EPS8L1: variants seen among roughly 807,000 people sequenced by gnomAD.
EPS8L1 encodes epidermal growth factor receptor kinase substrate 8-like protein 1.
Under a neutral mutation model 91.7 loss-of-function variants are expected in EPS8L1, and 101 were observed. The ratio of observed to expected loss-of-function variants is 1.10; its 90% CI spans 0.94 to 1.30. The LOEUF (loss-of-function observed/expected upper bound fraction) is 1.30, where lower values mean the gene tolerates loss of function less well. EPS8L1 is among the 50% of genes most tolerant of loss of function. The pLI, the probability that EPS8L1 is intolerant of heterozygous loss-of-function variation, is 0.00. For synonymous variants in EPS8L1, 506 were observed against 445.3 expected (o/e 1.14, Z -1.72); for missense variants, 1,114 against 1,017.0 (o/e 1.10, Z -1.30).
Position 55,081,165 on chromosome 19 carries a change from C to T in EPS8L1, c.513-66C>T, listed in dbSNP as rs544570414. 3 of 1,446,358 alleles carry T rather than the reference C, an allele frequency of 2.1e-6. No homozygotes were observed. Among genetic ancestry groups the T allele is most frequent in the South Asian group, 1.4e-5 (1 of 69,132 alleles). The allele number at this position is 1,446,358 out of a possible 1,614,324, so 89.6% of individuals were successfully genotyped here. ...TGAGCCTGTGTGTCTCGTTCTGCGC[C>T]CTGGATTTCCCCCTCCCTGGACCCC... On this transcript the variant is annotated intron_variant, in intron 7 of 19. Coordinates refer to ENST00000201647, the MANE Select transcript of EPS8L1 (RefSeq NM_133180.3). The surrounding 1 kb of genome is among the most constrained non-coding windows in gnomAD (Gnocchi z 4.9).
In EPS8L1 at chr19:55,086,633, G is replaced by A. The variant is rs1453359289; in HGVS notation, c.1778-81G>A. On this transcript the variant is annotated intron_variant, in intron 17 of 19. Transcript: ENST00000201647. ...CCCGTCCCATTCTGGGGACGCTGGA[G>A]CGCCCCCCCGCCCCGCCCTCTGGCC... is the stretch of plus-strand genomic sequence containing the variant. The A allele has an allele frequency of 4.9e-6, 7 of 1,428,422 alleles. No homozygotes were observed. The African/African-American group carries it at 9.5e-5, about 19-fold the overall frequency. The allele number at this position is 1,428,422 out of a possible 1,614,324, so 88.5% of individuals were successfully genotyped here.
rs991484100 is a variant in EPS8L1, at chr19:55,087,284, C to G, written c.1953-19C>G. 1 of 1,586,798 alleles carries G rather than the reference C, an allele frequency of 6.3e-7. No individual in the cohort carries two copies. Among genetic ancestry groups the G allele is most frequent in the Non-Finnish European group, 8.6e-7 (1 of 1,167,058 alleles). ...CATCCGCCGACCGGCCTGACCGCGCCCGGGCTGCCCTCGCTCAGGACCGTG... is the reference window on the plus strand; with the variant it reads ...CATCCGCCGACCGGCCTGACCGCGCGCGGGCTGCCCTCGCTCAGGACCGTG... On this transcript the variant is annotated intron_variant, in intron 18 of 19. Coordinates refer to ENST00000201647, the MANE Select transcript of EPS8L1 (RefSeq NM_133180.3).
intron 4 of EPS8L1, 128 bp from the exon 5 acceptor site, chr19:55,079,562 G>C: frequency 5.4e-6 from 6 of 1,109,080 alleles, no homozygotes; most frequent in Non-Finnish European, 6.4e-6. Flanking sequence ...TTGTGGAACA[G>C]GTGATCAAGG....
At position 55,086,046 on chromosome 19, in the gene EPS8L1, C is replaced by T. The variant is rs937667885; in HGVS notation, c.1519-15C>T. 3 of 1,595,524 alleles carry T rather than the reference C, an allele frequency of 1.9e-6. No individual in the cohort carries two copies. In the African/African-American group the frequency reaches 4.0e-5, roughly 21 times the overall value. ...GCAGACAGGCTCTGAACCCTCTGTT[C>T]TTTACCACACCCAGGTCCTGGATGA... On this transcript the variant is annotated splice_polypyrimidine_tract_variant and intron_variant, in intron 15 of 19. Coordinates refer to ENST00000201647, the MANE Select transcript of EPS8L1 (RefSeq NM_133180.3).
intron 1 of EPS8L1, 160 bp from the exon 2 acceptor site, chr19:55,076,248 G>T: frequency 1.6e-6 from 1 of 607,720 alleles, no homozygotes; most frequent in Non-Finnish European, 2.9e-6. Context: ...AGGGACTGGG[G>T]CCTGGACTTC....
chr19:55,082,055 C>T (rs1381924048), intron 9 of EPS8L1, 37 bp from the exon 10 acceptor site: 12 of 1,558,356 alleles, frequency 7.7e-6, no homozygotes, highest in East Asian at 7.2e-5. Flanking sequence ...GGTGCTGGCC[C>T]CGCGTCCCCA....
intron 19 of EPS8L1, 24 bp downstream of exon 19, chr19:55,087,459 G>T: frequency 6.2e-7 from 1 of 1,614,160 alleles, no homozygotes; most frequent in African/African-American, 1.3e-5. Context: ...CTGGTCCCTG[G>T]GTCTGGGTAG....
chr19:55,082,472 G>A lies in EPS8L1; in HGVS notation c.1084G>A (p.Gly362Arg), dbSNP rs751507940. The change falls in exon 12 of 20, where the codon GGG (glycine) becomes AGG (arginine). Residue 362 changes from glycine (G) to arginine (R), a missense_variant. By Grantham distance (125) the Gly-to-Arg change is moderately radical (BLOSUM62 -2). Coordinates refer to ENST00000201647, the MANE Select transcript of EPS8L1 (RefSeq NM_133180.3). Reference sequence around the variant, plus strand: ...CTGACAGATTGTGAACACGTCGGGGGGGCCGGAGTTCGCGAGCAGTGTGCG... The same window carrying A: ...CTGACAGATTGTGAACACGTCGGGGAGGCCGGAGTTCGCGAGCAGTGTGCG... ...PLQMIVNTSGGPEFASSVRRP... is the reference protein window; with the variant it reads ...PLQMIVNTSGRPEFASSVRRP... The A allele has an allele frequency of 2.5e-6, 4 of 1,612,708 alleles. No homozygotes were observed. In the East Asian group the frequency reaches 6.7e-5, roughly 27 times the overall value.
At chr19:55,082,376 C>G (rs752065159) in intron 11 of EPS8L1, 27 bp downstream of exon 11, 2 of 1,612,574 alleles carry the variant, frequency 1.2e-6, no homozygotes, top group Non-Finnish European at 1.7e-6. Flanking sequence ...GCCCTCGGGC[C>G]CCCCTGCAGC....
chr19:55,079,495 C>G (rs2076207375), intron 4 of EPS8L1, 195 bp from the exon 5 acceptor site: 1 of 654,966 alleles, frequency 1.5e-6, no homozygotes, highest in African/African-American at 1.8e-5. Context: ...AAGCCAGACT[C>G]AGGTGCTAGT....
chr19:55,077,931 T>TTAATAATAA (rs1568774029), intron 2 of EPS8L1, among the ~76,000 whole-genome samples, 157 bp from the exon 3 acceptor site: 1 of 138,694 alleles, frequency 7.2e-6, no homozygotes. Context: ...GCTCTCCTGC[T>TTAATAATAA]CAATAATAAT....
Position 55,086,176 on chromosome 19 carries a change from G to T in EPS8L1, c.1634G>T (p.Ser545Ile). ...GGACCCCGGCTGCACCACAGCCAAA[G>T]CCCTGCCCGCAGCCTGGTGAGCCAG... is the stretch of plus-strand genomic sequence containing the variant. ...YPGPRLHHSQ[S>I]PARSLNSTPP... Residue 545 changes from serine to isoleucine, a missense_variant, in exon 16 of 20, where the codon AGC becomes ATC. Physicochemically the swap from Ser to Ile is moderately radical, Grantham distance 142. Transcript: ENST00000201647. The T allele has an allele frequency of 6.3e-7, 1 of 1,599,194 alleles. No homozygotes were observed. The highest frequency in any genetic ancestry group is 8.5e-7 in the Non-Finnish European group (1 of 1,172,144).
intron 2 of EPS8L1, among the ~76,000 whole-genome samples, chr19:55,077,715 C>T (rs972576806): frequency 9.3e-5 from 14 of 150,226 alleles, no homozygotes; most frequent in South Asian, 2.1e-4. Flanking sequence ...CAGCCTCCCA[C>T]GTAGCTGGCA....
intron 3 of EPS8L1, among the ~76,000 whole-genome samples, chr19:55,078,362 T>G (rs12984660): frequency 1.6e-3 from 79 of 49,112 alleles, no homozygotes; most frequent in South Asian, 2.7e-3. Flanking sequence ...AGGGAAGAGG[T>G]GCTGGGGGCC....
At chr19:55,085,779 C>A in intron 14 of EPS8L1, 62 bp from the exon 15 acceptor site, 1 of 1,570,794 alleles carries the variant, frequency 6.4e-7, no homozygotes, top group Non-Finnish European at 8.6e-7. Context: ...CACCAGCACC[C>A]TGCAGCCCAG....
Position 55,085,956 on chromosome 19 carries a change from C to G in EPS8L1, c.1501C>G (p.Gln501Glu), listed in dbSNP as rs770895762. ...CAACAGCAGTGAGCTGTCGGTCAAG[C>G]AGCGGGACGTACTGGAGGTTAGAGG... ...ARNSSELSVK[Q>E]RDVLEVLDDS... is the part of the protein sequence containing the mutation. Residue 501 changes from glutamine (Q) to glutamate (E), a missense_variant, in exon 15 of 20, where the codon CAG (glutamine) becomes GAG (glutamate). Transcript: ENST00000201647. 3.1e-6 allele frequency: 5 copies of G among 1,613,394 alleles called. No homozygotes were observed. The East Asian group carries it at 1.1e-4, about 36-fold the overall frequency.
chr19:55,080,928 C>G (rs1314457109), intron 7 of EPS8L1, 74 bp downstream of exon 7: 13 of 1,360,694 alleles, frequency 9.6e-6, no homozygotes, highest in Middle Eastern at 1.8e-4. Context: ...ACAACACCAG[C>G]CTGGAACAGA....
rs2076364280 is a variant in EPS8L1, at chr19:55,087,370, G to A, written c.2020G>A (p.Ala674Thr). 1.9e-6 allele frequency: 3 copies of A among 1,613,174 alleles called. No individual in the cohort carries two copies. The highest frequency in any genetic ancestry group is 1.1e-5 in the South Asian group (1 of 91,022). ...LFSLQKEELR[A>T]VSPEEGARVY... Reference sequence around the variant, plus strand: ...CTCGCTGCAGAAGGAGGAGCTGCGGGCGGTGAGCCCCGAGGAGGGGGCACG... The same window carrying A: ...CTCGCTGCAGAAGGAGGAGCTGCGGACGGTGAGCCCCGAGGAGGGGGCACG... The change falls in exon 19 of 20, where the codon GCG (alanine) becomes ACG (threonine). Residue 674 changes from alanine to threonine, a missense_variant. Ala to Thr is a moderately conservative substitution (Grantham distance 58). Transcript: ENST00000201647.
intron 2 of EPS8L1, among the ~76,000 whole-genome samples, chr19:55,077,584 CTTTTT>C (rs35750835): frequency 1.0e-4 from 8 of 76,878 alleles, no homozygotes; most frequent in African/African-American, 3.7e-4. Flanking sequence ...CCTGACCTGT[CTTTTT>C]TTTTTTTTTT....
Sources: gnomAD v4.1 joint callset for allele counts (sites outside exome capture counted in the v4.1 genomes callset) on GRCh38, gnomAD v4.1.1 for gene constraint, Gnocchi (gnomAD v3.1) non-coding constraint, MANE v1.5 for transcripts, NCBI Gene and HGNC (gene_info 2026-07-23, HGNC 2026-07-21) for gene names.